Variants in PCMT1 observed in about 807,000 individuals in gnomAD.
PCMT1 encodes protein-L-isoaspartate (D-aspartate) O-methyltransferase.
A neutral mutation model predicts 29.2 loss-of-function variants in PCMT1; 9 were observed. That is an observed-to-expected ratio of 0.31 (90% CI 0.19 to 0.54). The LOEUF is 0.54. Ranked by LOEUF, PCMT1 falls within the 20% of genes least tolerant of loss-of-function variation. The probability of loss-of-function intolerance (pLI) is 0.95; values close to 1 mark genes in which losing one functional copy is unlikely to be tolerated. For missense variants in PCMT1, 184 were observed against 282.2 expected, an observed-to-expected ratio of 0.65 and a Z score of 2.49; for synonymous variants, 98 against 97.5, an observed-to-expected ratio of 1.00 and a Z score of -0.03.
intron 1 of PCMT1, 199 bp downstream of exon 1, chr6:149,750,155 T>C (rs1786244400): frequency 6.9e-6 from 5 of 727,248 alleles, no homozygotes; most frequent in Non-Finnish European, 8.7e-6. Context: ...CGACGTGGAC[T>C]GGAAGGGGAG....
intron 3 of PCMT1, among the ~76,000 whole-genome samples, chr6:149,783,064 T>G (rs1787881153): frequency 6.6e-6 from 1 of 152,164 alleles, no homozygotes; most frequent in Non-Finnish European, 1.5e-5. Flanking sequence ...TTAATGAATC[T>G]AAAACCATTA....
chr6:149,803,475 C>T (rs1583060523), intron 7 of PCMT1, among the ~76,000 whole-genome samples: 1 of 140,206 alleles, frequency 7.1e-6, no homozygotes, highest in East Asian at 2.0e-4. Context: ...TTTTATGTCT[C>T]AGCATAATCT....
intron 1 of PCMT1, among the ~76,000 whole-genome samples, chr6:149,759,017 C>T (rs1423165416): frequency 6.6e-6 from 1 of 152,166 alleles, no homozygotes; most frequent in Non-Finnish European, 1.5e-5. Context: ...GCTGGGATTA[C>T]AGGCACATGC....
chr6:149,787,011 CTCTG>C (rs1413772687), intron 3 of PCMT1, among the ~76,000 whole-genome samples: 5 of 124,844 alleles, frequency 4.0e-5, no homozygotes, highest in Non-Finnish European at 7.9e-5. Context: ...GTGAGCGAGA[CTCTG>C]TCTGCAATCC....
In PCMT1 at chr6:149,787,519, G is replaced by A. The variant is rs574000060; in HGVS notation, c.193-2435G>A. Among the ~76,000 whole-genome samples the A allele has an allele frequency of 2.0e-3, 300 of 151,774 alleles. 1 individual carries two copies. Among genetic ancestry groups the A allele is most frequent in the Non-Finnish European group, 3.2e-3 (215 of 67,926 alleles). ...TAGCTGGGATTACAGCCGCCACCAC[G>A]CCCGGCTAATTTTTTGTATTTTTAG... On this transcript the variant is annotated intron_variant, in intron 3 of 7. Transcript: ENST00000464889.
chr6:149,787,843 G>A (rs76230265), intron 3 of PCMT1, among the ~76,000 whole-genome samples: 2 of 142,480 alleles, frequency 1.4e-5, no homozygotes, highest in African/African-American at 5.4e-5. Context: ...GTGTGTGTGT[G>A]TATGTGTGTG....
At chr6:149,763,438 T>A (rs1219281404) in intron 1 of PCMT1, among the ~76,000 whole-genome samples, 1 of 151,778 alleles carries the variant, frequency 6.6e-6, no homozygotes, top group East Asian at 1.9e-4. Context: ...CTTGTGAAAA[T>A]TTTGGAAACC....
chr6:149,756,868 A>G (rs1786530087), intron 1 of PCMT1, among the ~76,000 whole-genome samples: 1 of 151,854 alleles, frequency 6.6e-6, no homozygotes, highest in South Asian at 2.1e-4. Context: ...AAAATAAATA[A>G]AATTGGCCGG....
intron 7 of PCMT1, among the ~76,000 whole-genome samples, chr6:149,805,918 C>T (rs1002984202): frequency 1.4e-5 from 2 of 139,108 alleles, no homozygotes; most frequent in African/African-American, 2.8e-5. Context: ...TCTAACCTGG[C>T]GACAGAGTAA....
chr6:149,787,708 T>C (rs970593324), intron 3 of PCMT1, among the ~76,000 whole-genome samples: 4 of 151,980 alleles, frequency 2.6e-5, no homozygotes, highest in Non-Finnish European at 4.4e-5. Context: ...TACAGAAATA[T>C]TATGCAGATA....
intron 1 of PCMT1, among the ~76,000 whole-genome samples, chr6:149,751,068 G>C (rs950351888): frequency 1.4e-4 from 21 of 152,140 alleles, no homozygotes; most frequent in African/African-American, 4.8e-4. Flanking sequence ...TGTAATGCCA[G>C]CACTTTGGGA....
At chr6:149,756,293 C>T (rs531674201) in intron 1 of PCMT1, among the ~76,000 whole-genome samples, 12 of 126,474 alleles carry the variant, frequency 9.5e-5, no homozygotes, top group Non-Finnish European at 1.4e-4. Context: ...TTTCTATCTA[C>T]AGCACCAGTT....
At chr6:149,754,467 G>C (rs913683640) in intron 1 of PCMT1, among the ~76,000 whole-genome samples, 49 of 152,146 alleles carry the variant, frequency 3.2e-4, no homozygotes, top group African/African-American at 1.1e-3. Flanking sequence ...TAAAATTTAG[G>C]AAGATAGCCA....
chr6:149,794,706 G>A, intron 5 of PCMT1: 1 of 412,350 alleles, frequency 2.4e-6, no homozygotes. Context: ...GGAAGTGGAG[G>A]TGTTGCTTGC....
intron 4 of PCMT1, among the ~76,000 whole-genome samples, chr6:149,791,652 C>T (rs920723956): frequency 3.3e-5 from 5 of 152,172 alleles, no homozygotes; most frequent in African/African-American, 9.7e-5. Context: ...GTATCCTAAA[C>T]ATCTAAAACA....
chr6:149,766,445 T>C (rs1179957944), intron 1 of PCMT1, among the ~76,000 whole-genome samples: 1 of 152,198 alleles, frequency 6.6e-6, no homozygotes, highest in Non-Finnish European at 1.5e-5. Context: ...AATTCACCAG[T>C]TGTAAGAATA....
At chr6:149,756,021 T>C (rs915359234) in intron 1 of PCMT1, among the ~76,000 whole-genome samples, 4 of 152,076 alleles carry the variant, frequency 2.6e-5, no homozygotes, top group Admixed American at 1.3e-4. Context: ...GGAGAAAAGA[T>C]TGGAGGCAAG....
chr6:149,785,359 T>C (rs1442712034), intron 3 of PCMT1, among the ~76,000 whole-genome samples: 4 of 147,062 alleles, frequency 2.7e-5, no homozygotes, highest in Non-Finnish European at 4.5e-5. Flanking sequence ...TGTTTTCTTT[T>C]TTTTTTTTTT....
intron 6 of PCMT1, chr6:149,796,786 G>A (rs916068660): frequency 3.7e-6 from 1 of 269,420 alleles, no homozygotes; most frequent in African/African-American, 2.2e-5. Flanking sequence ...CTGATAATCA[G>A]GTTTTTTTTG....
Sources: gnomAD v4.1 joint callset for allele counts (sites outside exome capture counted in the v4.1 genomes callset) on GRCh38, gnomAD v4.1.1 for gene constraint, MANE v1.5 for transcripts, NCBI Gene and HGNC (gene_info 2026-07-23, HGNC 2026-07-21) for gene names.